Variants in SRD5A2 observed in about 807,000 individuals in gnomAD.
SRD5A2 encodes the protein 3-oxo-5-alpha-steroid 4-dehydrogenase 2.
SRD5A2 carries 30 observed loss-of-function variants against 27.4 expected under a neutral mutation model. That is an observed-to-expected ratio of 1.10 (90% CI 0.82 to 1.49). The LOEUF is 1.49. Among genes scored for constraint, SRD5A2 ranks in the 40% most tolerant of loss-of-function variants. SRD5A2 has a pLI of 0.00. For missense variants in SRD5A2, 348 were observed against 323.4 expected (o/e 1.08, Z -0.58); for synonymous variants, 141 against 133.6 (o/e 1.06, Z -0.38).
At chr2:31,556,086 G>A (rs565127560) in intron 1 of SRD5A2, among the ~76,000 whole-genome samples, 33 of 152,234 alleles carry the variant, frequency 2.2e-4, no homozygotes, top group African/African-American at 7.9e-4. Flanking sequence ...ATATGCCAAA[G>A]GCCATTGGGC....
chr2:31,585,907 T>G (rs1667168117), upstream of SRD5A2, among the ~76,000 whole-genome samples: 2 of 152,088 alleles, frequency 1.3e-5, no homozygotes, highest in South Asian at 2.1e-4. Context: ...TGAATACCTG[T>G]GATAATCCAG....
At chr2:31,658,996 C>T in the SRD5A2 span, among the ~76,000 whole-genome samples, 1 of 152,134 alleles carries the variant, frequency 6.6e-6, no homozygotes, top group Admixed American at 6.5e-5. Flanking sequence ...AGCAGCACAT[C>T]AAAAAGTTAA....
the SRD5A2 span, among the ~76,000 whole-genome samples, chr2:31,645,275 T>C: frequency 6.6e-6 from 1 of 152,174 alleles, no homozygotes. Context: ...CTATACTCAA[T>C]AGTAAGTTAA....
chr2:31,623,052 T>A, the SRD5A2 span, among the ~76,000 whole-genome samples: 1 of 152,072 alleles, frequency 6.6e-6, no homozygotes, highest in South Asian at 2.1e-4. Context: ...TTGCTCTCAA[T>A]TGGTCGTTGT....
At chr2:31,533,234 G>C (rs776140835) in intron 2 of SRD5A2, among the ~76,000 whole-genome samples, 1 of 152,144 alleles carries the variant, frequency 6.6e-6, no homozygotes, top group Non-Finnish European at 1.5e-5. Flanking sequence ...GGACAAGCTT[G>C]ACAGCTTGTG....
chr2:31,601,617 A>T, the SRD5A2 span, among the ~76,000 whole-genome samples: 3 of 151,906 alleles, frequency 2.0e-5, no homozygotes, highest in Non-Finnish European at 4.4e-5. Context: ...CAACGAAAAA[A>T]CTTCAGGCCA....
At chr2:31,552,319 C>G (rs550650356) in intron 1 of SRD5A2, among the ~76,000 whole-genome samples, 1 of 151,424 alleles carries the variant, frequency 6.6e-6, no homozygotes, top group Non-Finnish European at 1.5e-5. Context: ...AGATCAATGC[C>G]AAGGGATATT....
the SRD5A2 span, among the ~76,000 whole-genome samples, chr2:31,646,823 T>TAAAAC: frequency 7.2e-5 from 11 of 151,974 alleles, no homozygotes; most frequent in Non-Finnish European, 1.2e-4. Context: ...TAACACTGGT[T>TAAAAC]AAAACAAAAC....
At position 31,526,005 on chromosome 2, in the gene SRD5A2, AGGGGTCCCTGGAAGGG is replaced by A. The variant is rs1665769829; in HGVS notation, c.*175_*190del. The stretch of plus-strand genomic sequence containing the variant: ...TGAAGCTTCAGTTGGGGATCAGGAT[AGGGGTCCCTGGAAGGG>A]TAGGAGTAAACTCTAAGCAGACACC... On this transcript the variant is annotated 3_prime_UTR_variant, in exon 5 of 5. Coordinates refer to ENST00000622030, the MANE Select transcript of SRD5A2 (RefSeq NM_000348.4). The A allele has an allele frequency of 2.0e-6, 1 of 495,998 alleles. No individual in the cohort carries two copies. Among genetic ancestry groups the A allele is most frequent in the African/African-American group, 2.0e-5 (1 of 50,852 alleles). 30.7% of individuals were successfully genotyped at this position (495,998 alleles called of 1,614,324 possible).
At chr2:31,641,749 T>C in the SRD5A2 span, among the ~76,000 whole-genome samples, 1 of 152,076 alleles carries the variant, frequency 6.6e-6, no homozygotes, top group African/African-American at 2.4e-5. Context: ...AGAAAAAGTT[T>C]GGACAGAATT....
intron 3 of SRD5A2, 133 bp downstream of exon 3, chr2:31,531,238 G>C (rs1463567513): frequency 3.2e-6 from 2 of 625,216 alleles, no homozygotes; most frequent in Non-Finnish European, 2.8e-6. Context: ...GGTTTGCAGG[G>C]GAAGTCAAGA....
the SRD5A2 span, among the ~76,000 whole-genome samples, chr2:31,599,611 G>A: frequency 6.6e-6 from 1 of 151,820 alleles, no homozygotes; most frequent in Non-Finnish European, 1.5e-5. Context: ...TTAAGCAAAT[G>A]ATAATGAAAA....
the SRD5A2 span, among the ~76,000 whole-genome samples, chr2:31,601,906 C>T: frequency 6.6e-6 from 1 of 151,968 alleles, no homozygotes; most frequent in Admixed American, 6.6e-5. Context: ...AGGAACATAC[C>T]TCAAAATAAT....
the SRD5A2 span, among the ~76,000 whole-genome samples, chr2:31,655,292 G>T: frequency 2.0e-5 from 3 of 152,046 alleles, no homozygotes; most frequent in African/African-American, 4.8e-5. Context: ...AGAGAGACGG[G>T]GTTTCACCAT....
the SRD5A2 span, among the ~76,000 whole-genome samples, chr2:31,614,171 G>C: frequency 1.3e-5 from 2 of 152,156 alleles, no homozygotes; most frequent in African/African-American, 4.8e-5. Flanking sequence ...GACATGGCAA[G>C]TCCCTTCAGC....
the SRD5A2 span, among the ~76,000 whole-genome samples, chr2:31,596,853 A>C: frequency 6.6e-6 from 1 of 152,238 alleles, no homozygotes; most frequent in Non-Finnish European, 1.5e-5. Context: ...GGTGACACAA[A>C]TGAATGGAAA....
At chr2:31,552,758 C>T (rs1360760949) in intron 1 of SRD5A2, among the ~76,000 whole-genome samples, 1 of 152,136 alleles carries the variant, frequency 6.6e-6, no homozygotes, top group Non-Finnish European at 1.5e-5. Flanking sequence ...AAATCTCTAG[C>T]TGGGCTAATT....
intron 1 of SRD5A2, among the ~76,000 whole-genome samples, chr2:31,553,368 C>T (rs949920108): frequency 3.3e-5 from 5 of 152,196 alleles, no homozygotes; most frequent in Admixed American, 3.3e-4. Flanking sequence ...TTTAAAGAAA[C>T]AATCACTGAA....
At chr2:31,596,025 C>T in the SRD5A2 span, among the ~76,000 whole-genome samples, 1 of 152,124 alleles carries the variant, frequency 6.6e-6, no homozygotes, top group South Asian at 2.1e-4. Flanking sequence ...TTAAAACCCT[C>T]AGCAAAATCA....
Sources: gnomAD v4.1 joint callset for allele counts (sites outside exome capture counted in the v4.1 genomes callset) on GRCh38, gnomAD v4.1.1 for gene constraint, MANE v1.5 for transcripts, NCBI Gene and HGNC (gene_info 2026-07-23, HGNC 2026-07-21) for gene names.